CMIP: variants seen among roughly 807,000 people sequenced by gnomAD.
CMIP encodes C-Maf-inducing protein.
CMIP carries 13 observed loss-of-function variants against 97.3 expected under a neutral mutation model. The ratio of observed to expected loss-of-function variants is 0.13; its 90% CI spans 0.09 to 0.21. The LOEUF (loss-of-function observed/expected upper bound fraction) is 0.21. Among genes scored for constraint, CMIP ranks in the 10% least tolerant of loss-of-function variants. CMIP has a pLI of 1.00. For missense variants in CMIP, 847 were observed against 1,024.9 expected (o/e 0.83, Z 2.37); for synonymous variants, 538 against 436.3 (o/e 1.23, Z -2.91).
At chr16:81,547,421 T>C (rs1256436788) in intron 1 of CMIP, among the ~76,000 whole-genome samples, 1 of 151,672 alleles carries the variant, frequency 6.6e-6, no homozygotes, top group Non-Finnish European at 1.5e-5. Flanking sequence ...AGATAGAGGG[T>C]CTTTGCAGGC....
intron 1 of CMIP, among the ~76,000 whole-genome samples, chr16:81,502,111 G>A (rs2089624482): frequency 6.6e-6 from 1 of 152,206 alleles, no homozygotes; most frequent in Non-Finnish European, 1.5e-5. Flanking sequence ...GCCTAGCTCC[G>A]ATGAGGAAAC....
At chr16:81,570,287 G>C in intron 1 of CMIP, among the ~76,000 whole-genome samples, 1 of 152,176 alleles carries the variant, frequency 6.6e-6, no homozygotes, top group East Asian at 1.9e-4. Context: ...GCCAATCCTA[G>C]CACCCCGTGT....
intron 1 of CMIP, among the ~76,000 whole-genome samples, chr16:81,474,455 G>A (rs972955347): frequency 6.6e-6 from 1 of 151,992 alleles, no homozygotes; most frequent in Non-Finnish European, 1.5e-5. Context: ...AGGTAGGCAC[G>A]TCGCACACTA....
At chr16:81,700,213 C>T (rs1907240422) in intron 15 of CMIP, among the ~76,000 whole-genome samples, 1 of 152,122 alleles carries the variant, frequency 6.6e-6, no homozygotes, top group Non-Finnish European at 1.5e-5. Flanking sequence ...CTCGCATTGG[C>T]CTAAGAGGCC....
chr16:81,537,606 C>T (rs1024510799), intron 1 of CMIP, among the ~76,000 whole-genome samples: 3 of 150,102 alleles, frequency 2.0e-5, no homozygotes, highest in African/African-American at 7.3e-5. Context: ...TGGCTCACTC[C>T]TGTAACCCCA....
chr16:81,458,995 TGTCACCATCACC>T (rs1567526304), intron 1 of CMIP, among the ~76,000 whole-genome samples: 2 of 151,924 alleles, frequency 1.3e-5, no homozygotes, highest in South Asian at 4.2e-4. Context: ...TCACCATCAC[TGTCACCATCACC>T]GTCACCGTCA....
At chr16:81,644,153 T>G (rs1215237288) in intron 3 of CMIP, among the ~76,000 whole-genome samples, 1 of 152,240 alleles carries the variant, frequency 6.6e-6, no homozygotes, top group East Asian at 1.9e-4. Context: ...GGGGTCTCAC[T>G]TTCTAGTTAA....
At chr16:81,651,594 G>A (rs1309552533) in intron 3 of CMIP, among the ~76,000 whole-genome samples, 2 of 152,220 alleles carry the variant, frequency 1.3e-5, no homozygotes, top group Non-Finnish European at 2.9e-5. Context: ...GACCTCTTGG[G>A]ATTGACATAG....
intron 1 of CMIP, among the ~76,000 whole-genome samples, chr16:81,487,855 A>G (rs2089342660): frequency 6.6e-6 from 1 of 152,180 alleles, no homozygotes; most frequent in Admixed American, 6.5e-5. Context: ...TCTCAGAGCA[A>G]TCCCCTATCA....
intron 3 of CMIP, 49 bp downstream of exon 3, chr16:81,620,975 G>A (rs755753470): frequency 7.5e-6 from 12 of 1,608,464 alleles, no homozygotes; most frequent in South Asian, 4.4e-5. Flanking sequence ...GCAGTGGTGC[G>A]ATGGCTTAAA....
chr16:81,580,683 G>A (rs970342681), intron 1 of CMIP, among the ~76,000 whole-genome samples: 5 of 151,612 alleles, frequency 3.3e-5, no homozygotes, highest in African/African-American at 9.7e-5. Context: ...TGATCCACCC[G>A]TCTTCGCCTC....
intron 5 of CMIP, among the ~76,000 whole-genome samples, chr16:81,658,681 T>C (rs1217912538): frequency 6.6e-6 from 1 of 152,234 alleles, no homozygotes; most frequent in East Asian, 1.9e-4. Context: ...TTCTGGAAGC[T>C]TCAGCATTGC....
intron 2 of CMIP, chr16:81,610,527 C>A (rs544092231): frequency 9.1e-6 from 9 of 985,412 alleles, no homozygotes; most frequent in Non-Finnish European, 1.1e-5. Flanking sequence ...ACCCTTCCCC[C>A]AAGGGGAACC....
At chr16:81,704,211 T>G in intron 18 of CMIP, 126 bp downstream of exon 18, 1 of 505,560 alleles carries the variant, frequency 2.0e-6, no homozygotes, top group Admixed American at 3.2e-5. Flanking sequence ...CCCTCCTTCC[T>G]GCCCCCTCCC....
At chr16:81,644,120 A>C (rs183265673) in intron 3 of CMIP, among the ~76,000 whole-genome samples, 7 of 152,344 alleles carry the variant, frequency 4.6e-5, no homozygotes, top group African/African-American at 1.7e-4. Flanking sequence ...CATTTACAAT[A>C]TTTCTTTAAA....
At chr16:81,696,797 T>C in intron 14 of CMIP, 130 bp downstream of exon 14, 1 of 767,724 alleles carries the variant, frequency 1.3e-6, no homozygotes, top group Non-Finnish European at 2.0e-6. Flanking sequence ...GTGCTGATCA[T>C]GAAGGTGGTG....
chr16:81,583,461 C>T (rs1042331287), intron 1 of CMIP, among the ~76,000 whole-genome samples: 38 of 152,180 alleles, frequency 2.5e-4, no homozygotes, highest in African/African-American at 8.2e-4. Flanking sequence ...AGTTAGTGCC[C>T]GAATTTGCTT....
chr16:81,484,639 G>A (rs1597466486), intron 1 of CMIP, among the ~76,000 whole-genome samples: 1 of 152,148 alleles, frequency 6.6e-6, no homozygotes, highest in Admixed American at 6.5e-5. Context: ...CAGTTGGTGC[G>A]CACAGACCCG....
At chr16:81,566,167 C>T (rs1046295731) in intron 1 of CMIP, among the ~76,000 whole-genome samples, 1 of 152,236 alleles carries the variant, frequency 6.6e-6, no homozygotes, top group Non-Finnish European at 1.5e-5. Flanking sequence ...AGGCTGCCCT[C>T]TCCTCAAGAA....
Sources: gnomAD v4.1 joint callset for allele counts (sites outside exome capture counted in the v4.1 genomes callset) on GRCh38, gnomAD v4.1.1 for gene constraint, MANE v1.5 for transcripts, NCBI Gene and HGNC (gene_info 2026-07-23, HGNC 2026-07-21) for gene names.